Variants in DPP10 observed in about 807,000 individuals in gnomAD.
The protein encoded by DPP10 is inactive dipeptidyl peptidase 10.
In DPP10, 33 loss-of-function variants were observed where a neutral mutation model predicts 120.9. The ratio of observed to expected loss-of-function variants is 0.27; its 90% CI spans 0.21 to 0.37. The LOEUF is 0.37. Ranked by LOEUF, DPP10 falls within the 10% of genes least tolerant of loss-of-function variation. The probability of loss-of-function intolerance (pLI) is 1.00; values close to 1 mark genes in which losing one functional copy is unlikely to be tolerated. For synonymous variants in DPP10, 337 were observed against 326.1 expected (o/e 1.03, Z -0.36); for missense variants, 816 against 942.8 (o/e 0.87, Z 1.76).
At chr2:115,765,086 A>G (rs558736489) in intron 12 of DPP10, among the ~76,000 whole-genome samples, 2 of 152,206 alleles carry the variant, frequency 1.3e-5, no homozygotes, top group South Asian at 4.1e-4. Flanking sequence ...TGAGATTGGC[A>G]CCATCTGTGT....
chr2:115,529,462 T>G (rs1473425961), intron 5 of DPP10, among the ~76,000 whole-genome samples: 1 of 29,378 alleles, frequency 3.4e-5, no homozygotes, highest in Non-Finnish European at 1.7e-4. Context: ...GGCAAAAGTT[T>G]TTTTTTTTTT....
rs559372289 is a variant in DPP10, at chr2:115,373,202, A to G, written c.271+29290A>G. 2.6e-5 allele frequency among the ~76,000 whole-genome samples: 4 copies of G among 152,338 alleles called. No homozygotes were observed. The East Asian group carries it at 7.7e-4, about 29-fold the overall frequency. On this transcript the variant is annotated intron_variant, in intron 3 of 25. Coordinates refer to ENST00000410059, the MANE Select transcript of DPP10 (RefSeq NM_020868.6). ...TTCAGTGCTTGTCTCTTACATGTCA[A>G]ACACTCAGATAATAACAACATAAAT...
chr2:115,331,567 G>C (rs1420108290), intron 2 of DPP10, among the ~76,000 whole-genome samples: 1 of 152,106 alleles, frequency 6.6e-6, no homozygotes, highest in Admixed American at 6.6e-5. Context: ...GTTTGTCATA[G>C]ATAGCTCTTA....
At chr2:114,795,560 A>G (rs1574207473) in intron 1 of DPP10, among the ~76,000 whole-genome samples, 2 of 152,154 alleles carry the variant, frequency 1.3e-5, no homozygotes, top group South Asian at 4.2e-4. Flanking sequence ...TAATCTAAGT[A>G]TAGTGCACCG....
chr2:114,688,323 T>C (rs187114165), intron 1 of DPP10, among the ~76,000 whole-genome samples: 183 of 152,030 alleles, frequency 1.2e-3, no homozygotes, highest in African/African-American at 4.3e-3. Context: ...TATAATGCAA[T>C]TCTGTAAAAG....
intron 1 of DPP10, among the ~76,000 whole-genome samples, chr2:115,176,530 C>T (rs896302619): frequency 2.0e-5 from 3 of 151,986 alleles, no homozygotes; most frequent in African/African-American, 7.2e-5. Context: ...CACATACAGT[C>T]ATACATATTA....
At position 115,049,321 on chromosome 2, in the gene DPP10, A is replaced by G. The variant is rs938886412; in HGVS notation, c.61-259918A>G. Among the ~76,000 whole-genome samples, 4 of 152,110 alleles carry G rather than the reference A, an allele frequency of 2.6e-5. No homozygotes were observed. The South Asian group carries it at 8.3e-4, about 31-fold the overall frequency. On this transcript the variant is annotated intron_variant, in intron 1 of 25. Coordinates refer to ENST00000410059, the MANE Select transcript of DPP10 (RefSeq NM_020868.6). ...TGCTATGCCCATTTATATTACTATT[A>G]TACACGCCACTCTTAATTGCTTATT...
At chr2:115,354,584 TTTC>T (rs902955645) in intron 3 of DPP10, among the ~76,000 whole-genome samples, 1 of 152,082 alleles carries the variant, frequency 6.6e-6, no homozygotes, top group African/African-American at 2.4e-5. Flanking sequence ...ATTTTCTTTA[TTTC>T]TTTTTTTTTT....
At chr2:114,527,968 G>A (rs989721114) in intron 1 of DPP10, among the ~76,000 whole-genome samples, 5 of 152,144 alleles carry the variant, frequency 3.3e-5, no homozygotes, top group African/African-American at 1.2e-4. Flanking sequence ...TGTCCAAAAC[G>A]TCTTTCTGAG....
rs528959804 is a variant in DPP10, at chr2:114,738,874, G to A, written c.60+296036G>A. 3.3e-5 allele frequency among the ~76,000 whole-genome samples: 5 copies of A among 152,242 alleles called. No homozygotes were observed. The East Asian group carries it at 5.8e-4, about 18-fold the overall frequency. On this transcript the variant is annotated intron_variant, in intron 1 of 25. Transcript: ENST00000410059. ...ATTCTATTCTTTCTCCTCTTCAGTC[G>A]TTTATTTCTTCCAGATATGTGGGGA...
At chr2:114,484,736 G>GT (rs994733200) in intron 1 of DPP10, among the ~76,000 whole-genome samples, 55 of 152,066 alleles carry the variant, frequency 3.6e-4, no homozygotes, top group African/African-American at 1.3e-3. Flanking sequence ...TTCATATAGT[G>GT]TTCATTAGAC....
chr2:115,511,605 C>T (rs2077225807), intron 4 of DPP10, among the ~76,000 whole-genome samples: 1 of 150,718 alleles, frequency 6.6e-6, no homozygotes, highest in African/African-American at 2.4e-5. Context: ...CTTCTGCTTG[C>T]TTGTGTTAGT....
chr2:115,468,065 AC>A (rs2105141262), intron 3 of DPP10: 1 of 412,648 alleles, frequency 2.4e-6, no homozygotes, highest in East Asian at 6.5e-5. Context: ...AATGTCTGGA[AC>A]CTGCGATGTC....
intron 1 of DPP10, among the ~76,000 whole-genome samples, chr2:115,131,299 G>T (rs1355916578): frequency 1.3e-5 from 2 of 152,164 alleles, no homozygotes; most frequent in African/African-American, 2.4e-5. Flanking sequence ...AGCATTACTT[G>T]ATTCCAGGAG....
chr2:115,069,690 T>C (rs1042435292), intron 1 of DPP10, among the ~76,000 whole-genome samples: 8 of 152,048 alleles, frequency 5.3e-5, no homozygotes, highest in African/African-American at 1.9e-4. Context: ...GTACAGGTTT[T>C]GACATTAGAC....
chr2:115,231,108 C>G (rs1412398232), intron 1 of DPP10, among the ~76,000 whole-genome samples: 8 of 151,730 alleles, frequency 5.3e-5, no homozygotes, highest in Admixed American at 3.9e-4. Context: ...CTTTTGTTAT[C>G]CTGCATAACT....
intron 1 of DPP10, among the ~76,000 whole-genome samples, chr2:114,646,582 A>C (rs1378309087): frequency 6.6e-6 from 1 of 152,150 alleles, no homozygotes; most frequent in Non-Finnish European, 1.5e-5. Flanking sequence ...CAGTATCTCC[A>C]TATTATCTGT....
At position 115,844,195 on chromosome 2, in the gene DPP10, A is replaced by G. The variant is rs1156395331; in HGVS notation, c.*1850A>G. ...TTTTGCCTATTTTATTAAGATGGAA[A>G]TTTCTTTTTAGGCTAATTTGAAATC... On this transcript the variant is annotated 3_prime_UTR_variant, in exon 26 of 26. Coordinates refer to ENST00000410059, the MANE Select transcript of DPP10 (RefSeq NM_020868.6). The G allele has an allele frequency of 6.6e-6, 1 of 152,548 alleles. No individual in the cohort carries two copies. The highest frequency in any genetic ancestry group is 1.5e-5 in the Non-Finnish European group (1 of 68,014). 9.4% of individuals were successfully genotyped at this position (152,548 alleles called of 1,614,324 possible). A position where few individuals can be genotyped will look rare whatever the true frequency, so the allele number is the denominator to read the frequency against.
chr2:114,791,808 A>G (rs1447979609), intron 1 of DPP10, among the ~76,000 whole-genome samples: 1 of 152,228 alleles, frequency 6.6e-6, no homozygotes, highest in Non-Finnish European at 1.5e-5. Flanking sequence ...GGAGGTGGGC[A>G]TATTTAATGG....
Sources: gnomAD v4.1 joint callset for allele counts (sites outside exome capture counted in the v4.1 genomes callset) on GRCh38, gnomAD v4.1.1 for gene constraint, MANE v1.5 for transcripts, NCBI Gene and HGNC (gene_info 2026-07-23, HGNC 2026-07-21) for gene names.